FAM240B: variants seen among roughly 807,000 people sequenced by gnomAD.
FAM240B encodes the protein protein FAM240B.
Position 38,720,041 on chromosome 9 carries a change from G to GGAC in FAM240B, c.-24_-23insGTC, listed in dbSNP as rs1554689088. 6.6e-6 allele frequency: 1 copy of GGAC among 151,516 alleles called. No homozygotes were observed. Among genetic ancestry groups the GGAC allele is most frequent in the Non-Finnish European group, 1.5e-5 (1 of 67,794 alleles). The allele number at this position is 151,516 out of a possible 1,614,324, so 9.4% of individuals were successfully genotyped here. A position where few individuals can be genotyped will look rare whatever the true frequency, so the allele number is the denominator to read the frequency against. On this transcript the variant is annotated 5_prime_UTR_variant, in exon 1 of 3. Coordinates refer to ENST00000637493, the MANE Select transcript of FAM240B (RefSeq NM_001394922.1). ...CTGTACCTTAAAGATGAATTTGCAG[G>GGAC]TGATACCCGGCTAGGGTGCAAAGGA...
In FAM240B at chr9:38,703,938, C is replaced by A; in HGVS notation, c.62G>T (p.Ser21Ile). ...FCCGTCHELKSFWEKEISKQT... is the reference protein window; with the variant it reads ...FCCGTCHELKIFWEKEISKQT... Reference sequence around the variant, plus strand: ...TTTGCTAATTTCTTTTTCCCAGAAGCTTTTGAGCTCATGACAAGTTCCACA... The same window carrying A: ...TTTGCTAATTTCTTTTTCCCAGAAGATTTTGAGCTCATGACAAGTTCCACA... Residue 21 changes from serine to isoleucine, a missense_variant, in exon 2 of 3, where the codon AGC (serine) becomes ATC (isoleucine). Coordinates refer to ENST00000637493, the MANE Select transcript of FAM240B (RefSeq NM_001394922.1). The A allele has an allele frequency of 2.5e-6, 1 of 400,562 alleles. No homozygotes were observed. Among genetic ancestry groups the A allele is most frequent in the Middle Eastern group, 3.1e-4 (1 of 3,196 alleles). 24.8% of individuals were successfully genotyped at this position (400,562 alleles called of 1,614,324 possible).
intron 2 of FAM240B, among the ~76,000 whole-genome samples, chr9:38,701,225 C>T (rs1472034445): frequency 6.6e-6 from 1 of 151,950 alleles, no homozygotes; most frequent in Admixed American, 6.6e-5. Context: ...AGGCAGAGCC[C>T]ACAGGGGTGG....
intron 1 of FAM240B, 145 bp from the exon 2 acceptor site, chr9:38,704,147 A>G (rs573111641): frequency 4.3e-4 from 168 of 391,838 alleles, no homozygotes; most frequent in African/African-American, 3.3e-3. Flanking sequence ...CACATCACAC[A>G]CTTGTATTCT....
chr9:38,711,908 G>A (rs1476218469), intron 1 of FAM240B, among the ~76,000 whole-genome samples: 2 of 151,834 alleles, frequency 1.3e-5, no homozygotes, highest in Admixed American at 6.6e-5. Flanking sequence ...CGCCCGTCTC[G>A]GCCTCCCAAA....
At position 38,709,008 on chromosome 9, in the gene FAM240B, T is replaced by A. The variant is rs11792092; in HGVS notation, c.-3-5006A>T. ...AGCTCTTGGTGATGAGTTTCACCCT[T>A]ACATCACTTAGGATGTTATATTTGT... On this transcript the variant is annotated intron_variant, in intron 1 of 2. Coordinates refer to ENST00000637493, the MANE Select transcript of FAM240B (RefSeq NM_001394922.1). 1.3e-3 allele frequency among the ~76,000 whole-genome samples: 195 copies of A among 152,198 alleles called. 1 individual carries two copies. The highest frequency in any genetic ancestry group is 3.8e-3 in the African/African-American group (159 of 41,520).
intron 1 of FAM240B, among the ~76,000 whole-genome samples, chr9:38,711,460 C>T (rs980973854): frequency 6.6e-6 from 1 of 152,190 alleles, no homozygotes; most frequent in African/African-American, 2.4e-5. Context: ...TTTCTCCTCC[C>T]ACCCCACCTT....
intron 1 of FAM240B, among the ~76,000 whole-genome samples, chr9:38,718,732 T>C (rs775900905): frequency 2.8e-5 from 4 of 144,038 alleles, no homozygotes; most frequent in Admixed American, 6.8e-5. Context: ...ATAGGACATA[T>C]ACATAGTTTG....
rs1821046372 is a variant in FAM240B, at chr9:38,694,687, T to G, written c.*89A>C. On this transcript the variant is annotated 3_prime_UTR_variant, in exon 3 of 3. Coordinates refer to ENST00000637493, the MANE Select transcript of FAM240B (RefSeq NM_001394922.1). ...GAAGCACAAATAGAGAGCGTCCTGTTTAGTAAATCAGCACAACTTGAGTGT... is the reference window on the plus strand; with the variant it reads ...GAAGCACAAATAGAGAGCGTCCTGTGTAGTAAATCAGCACAACTTGAGTGT... The G allele has an allele frequency of 2.5e-6, 1 of 397,566 alleles. No individual in the cohort carries two copies. Among genetic ancestry groups the G allele is most frequent in the South Asian group, 1.3e-4 (1 of 7,698 alleles). The allele number at this position is 397,566 out of a possible 1,614,324, so 24.6% of individuals were successfully genotyped here.
chr9:38,698,491 G>C (rs1821090770), intron 2 of FAM240B, among the ~76,000 whole-genome samples: 1 of 152,136 alleles, frequency 6.6e-6, no homozygotes, highest in Non-Finnish European at 1.5e-5. Context: ...TTTATAAATT[G>C]TGTGCTACAC....
chr9:38,703,164 G>A (rs1336805088), intron 2 of FAM240B, among the ~76,000 whole-genome samples: 1 of 152,206 alleles, frequency 6.6e-6, no homozygotes, highest in Non-Finnish European at 1.5e-5. Flanking sequence ...ATACTCTCAA[G>A]ACTGAATGAG....
At chr9:38,718,131 G>T (rs1177468880) in intron 1 of FAM240B, among the ~76,000 whole-genome samples, 1 of 152,152 alleles carries the variant, frequency 6.6e-6, no homozygotes, top group Non-Finnish European at 1.5e-5. Context: ...GTTTTTCATG[G>T]TTGTGTAGTA....
intron 1 of FAM240B, among the ~76,000 whole-genome samples, chr9:38,714,004 A>G (rs1252842989): frequency 2.0e-5 from 3 of 152,294 alleles, no homozygotes; most frequent in East Asian, 3.9e-4. Context: ...TAAACCCTGA[A>G]CACATTTTGT....
intron 1 of FAM240B, among the ~76,000 whole-genome samples, chr9:38,704,740 C>A (rs574493723): frequency 6.6e-6 from 1 of 152,102 alleles, no homozygotes; most frequent in Admixed American, 6.5e-5. Context: ...ATCGAGGACC[C>A]GATGTGGGCC....
chr9:38,710,507 T>C (rs915225683), intron 1 of FAM240B, among the ~76,000 whole-genome samples: 3 of 152,188 alleles, frequency 2.0e-5, no homozygotes, highest in African/African-American at 7.2e-5. Context: ...AAAAATCAGG[T>C]TTACTGCATT....
At chr9:38,710,643 G>C (rs532771456) in intron 1 of FAM240B, among the ~76,000 whole-genome samples, 19 of 152,296 alleles carry the variant, frequency 1.2e-4, no homozygotes, top group Admixed American at 1.2e-3. Flanking sequence ...TGCAACGACA[G>C]GGCGTGGAAG....
intron 2 of FAM240B, among the ~76,000 whole-genome samples, chr9:38,701,344 T>G (rs1219332544): frequency 6.6e-6 from 1 of 152,190 alleles, no homozygotes; most frequent in Admixed American, 6.5e-5. Flanking sequence ...CAGCGGGGAT[T>G]TAAGCAAAGG....
intron 1 of FAM240B, among the ~76,000 whole-genome samples, chr9:38,708,524 C>T (rs1318239808): frequency 6.6e-6 from 1 of 152,200 alleles, no homozygotes; most frequent in Non-Finnish European, 1.5e-5. Flanking sequence ...ATCCTGACAA[C>T]CAGGATGGAG....
chr9:38,703,478 T>A (rs2119003452), intron 2 of FAM240B, among the ~76,000 whole-genome samples: 1 of 152,348 alleles, frequency 6.6e-6, no homozygotes, highest in Middle Eastern at 3.4e-3. Context: ...TAACTGGTCC[T>A]GAATTATACA....
chr9:38,707,103 T>C (rs1821199189), intron 1 of FAM240B, among the ~76,000 whole-genome samples: 1 of 152,202 alleles, frequency 6.6e-6, no homozygotes, highest in South Asian at 2.1e-4. Context: ...ATATGCATAA[T>C]ATTTTCACAG....
Sources: allele counts gnomAD v4.1 joint callset (sites outside exome capture counted in the v4.1 genomes callset), GRCh38; gene constraint gnomAD v4.1.1; transcripts MANE v1.5; gene names NCBI Gene and HGNC (gene_info 2026-07-23, HGNC 2026-07-21).